NEB: variants seen among roughly 807,000 people sequenced by gnomAD.
NEB encodes nemaline myopathy type 2.
Under a neutral mutation model 952.2 loss-of-function variants are expected in NEB, and 512 were observed. The observed-to-expected ratio is 0.54, with a 90% CI of 0.50 to 0.58. NEB has a LOEUF of 0.58. Ranked by LOEUF, NEB falls within the 20% of genes least tolerant of loss-of-function variation. NEB has a pLI of 0.00. For missense variants in NEB, 8,428 were observed against 9,231.1 expected (o/e 0.91, Z 3.56); for synonymous variants, 2,900 against 3,149.8 (o/e 0.92, Z 2.66).
At position 151,658,084 on chromosome 2, in the gene NEB, A is replaced by G. The variant is rs561884655; in HGVS notation, c.6082T>C (p.Tyr2028His). 6.3e-7 allele frequency: 1 copy of G among 1,592,048 alleles called. No homozygotes were observed. The highest frequency in any genetic ancestry group is 1.3e-5 in the African/African-American group (1 of 74,592). ...TTAGACTCTTCCAAGGAAAGTTTGT[A>G]GAGTTTCTGTAAAGAGAGGCAAAGG... The part of the protein sequence containing the change: ...ANAINMSDKL[Y>H]KLSLEESKKK... Residue 2028 changes from tyrosine (Y) to histidine (H), a missense_variant, in exon 48 of 182, where the codon TAC becomes CAC. Tyr to His is a moderately conservative substitution (Grantham distance 83). This residue lies in a region of NEB where 2,851 missense variants were observed against 2,791.5 expected (regional missense o/e 1.02). Transcript: ENST00000397345.
chr2:151,629,762 G>T, intron 67 of NEB, 116 bp from the exon 68 acceptor site: 1 of 794,098 alleles, frequency 1.3e-6, no homozygotes, highest in Non-Finnish European at 2.0e-6. Flanking sequence ...GACAATTCAA[G>T]TTTCTGGCAA....
chr2:151,610,476 C>A (rs774006077), intron 80 of NEB, 40 bp downstream of exon 80: 2 of 1,493,188 alleles, frequency 1.3e-6, no homozygotes, highest in African/African-American at 2.8e-5. Context: ...GGTTGTTCAG[C>A]ACAGTGGAGA....
At chr2:151,549,027 T>C (rs1336765453) in intron 130 of NEB, among the ~76,000 whole-genome samples, 1 of 152,072 alleles carries the variant, frequency 6.6e-6, no homozygotes. Context: ...ATGGGGTAAA[T>C]GCATCAAGTC....
intron 174 of NEB, 67 bp from the exon 175 acceptor site, chr2:151,493,934 G>A: frequency 8.6e-7 from 1 of 1,160,830 alleles, no homozygotes; most frequent in Non-Finnish European, 1.2e-6. Context: ...TATATTGCAA[G>A]TTGGGGGGAA....
rs11436330 is a variant in NEB at position 151,546,557 on chromosome 2, C to CTTTT, written c.20368-118_20368-115dup. On this transcript the variant is annotated intron_variant, in intron 133 of 181. Coordinates refer to ENST00000397345, the MANE Select transcript of NEB (RefSeq NM_001164508.2). ...TGTGTCTTTCATTTTGGTTCATCTA[C>CTTTT]TTTTTTTTTTTTTTTTTTGAGACAG... 1.7e-3 allele frequency: 601 copies of CTTTT among 351,862 alleles called. 3 individuals carry two copies. The highest frequency in any genetic ancestry group is 7.7e-3 in the African/African-American group (309 of 40,090). 21.8% of individuals were successfully genotyped at this position (351,862 alleles called of 1,614,324 possible). A position where few individuals can be genotyped will look rare whatever the true frequency, so the allele number is the denominator to read the frequency against.
At chr2:151,573,921 A>T (rs973712041) in intron 107 of NEB, among the ~76,000 whole-genome samples, 14 of 151,978 alleles carry the variant, frequency 9.2e-5, no homozygotes, top group African/African-American at 3.1e-4. Context: ...GCAAATAATG[A>T]TAATTTGGCC....
intron 71 of NEB, among the ~76,000 whole-genome samples, chr2:151,622,536 G>T (rs1026245771): frequency 6.6e-6 from 1 of 151,984 alleles, no homozygotes; most frequent in East Asian, 1.9e-4. Context: ...TAACATTTTT[G>T]CCATATTTGC....
chr2:151,706,652 A>C (rs1169147812), intron 13 of NEB, among the ~76,000 whole-genome samples: 2 of 152,156 alleles, frequency 1.3e-5, no homozygotes, highest in Admixed American at 6.5e-5. Flanking sequence ...CTCCTAAGCA[A>C]GTGAGAATTT....
intron 168 of NEB, 151 bp from the exon 169 acceptor site, chr2:151,499,541 G>A (rs1461695925): frequency 1.9e-6 from 1 of 525,118 alleles, no homozygotes; most frequent in Non-Finnish European, 3.4e-6. Context: ...ACAGATCTGG[G>A]TGAGAACATG....
intron 26 of NEB, 39 bp from the exon 27 acceptor site, chr2:151,687,571 G>A (rs1359225535): frequency 1.2e-6 from 2 of 1,612,854 alleles, no homozygotes; most frequent in Admixed American, 1.7e-5. Flanking sequence ...CACTCACCAG[G>A]AAATGTCCCC....
chr2:151,549,704 C>G lies in NEB; in HGVS notation c.19981G>C (p.Gly6661Arg), dbSNP rs764103060. 11 of 1,598,468 alleles carry G rather than the reference C, an allele frequency of 6.9e-6. No homozygotes were observed. The East Asian group carries it at 2.5e-4, about 36-fold the overall frequency. ...YKTSLRTLPT[G>R]YRLPGDTPHF... ...GGAGTGTCACCTGGAAGTCTATATCCAGTGGGCAGGGTGCGCAGGCTGGTT... is the reference window on the plus strand; with the variant it reads ...GGAGTGTCACCTGGAAGTCTATATCGAGTGGGCAGGGTGCGCAGGCTGGTT... Residue 6661 changes from glycine to arginine, a missense_variant, in exon 130 of 182, where the codon GGA (glycine) becomes CGA (arginine). Around this residue, in one of 11 missense-constraint regions of NEB, gnomAD observed 3,374 missense variants for 3,651.5 expected, o/e 0.92. Transcript: ENST00000397345.
In NEB at chr2:151,629,727, A is replaced by T. The variant is rs529554791; in HGVS notation, c.9724-81T>A. On this transcript the variant is annotated intron_variant, in intron 67 of 181. Transcript: ENST00000397345. ...GATTATTAAGTGACTTATATCCTAA[A>T]ATTTAAAAAAGGATAGGAACTGGAG... 27 of 1,212,932 alleles carry T rather than the reference A, an allele frequency of 2.2e-5. 1 individual carries two copies. In the African/African-American group the frequency reaches 3.3e-4, roughly 15 times the overall value. 75.1% of individuals were successfully genotyped at this position (1,212,932 alleles called of 1,614,324 possible).
In NEB at chr2:151,717,599, A is replaced by G. The variant is rs1161085343; in HGVS notation, c.718-79T>C. 7 of 1,030,858 alleles carry G rather than the reference A, an allele frequency of 6.8e-6. No individual in the cohort carries two copies. The East Asian group carries it at 1.7e-4, about 26-fold the overall frequency. The allele number at this position is 1,030,858 out of a possible 1,614,324, so 63.9% of individuals were successfully genotyped here. On this transcript the variant is annotated intron_variant, in intron 9 of 181. Coordinates refer to ENST00000397345, the MANE Select transcript of NEB (RefSeq NM_001164508.2). The stretch of plus-strand genomic sequence containing the variant: ...TATTTGAAGTCTTAAATTTTAGTGT[A>G]ACATGTTATAATTTGTCCTAGATGT...
At chr2:151,709,492 C>T (rs1181821093) in intron 12 of NEB, among the ~76,000 whole-genome samples, 164 bp downstream of exon 12, 1 of 152,118 alleles carries the variant, frequency 6.6e-6, no homozygotes, top group Non-Finnish European at 1.5e-5. Context: ...CTTGTTGTTT[C>T]AATTCTACTC....
At position 151,489,879 on chromosome 2, in the gene NEB, T is replaced by TA. The variant is rs1013234237; in HGVS notation, c.25404+91dup. On this transcript the variant is annotated intron_variant, in intron 181 of 181. Coordinates refer to ENST00000397345, the MANE Select transcript of NEB (RefSeq NM_001164508.2). ...CATTATATAAAATAGAAGGTTTGGT[T>TA]AAAAAAAACCGTAATACCTAATACT... 3.9e-4 allele frequency: 372 copies of TA among 943,854 alleles called. 2 individuals carry two copies. The highest frequency in any genetic ancestry group is 5.5e-4 in the African/African-American group (33 of 60,524). 58.5% of individuals were successfully genotyped at this position (943,854 alleles called of 1,614,324 possible).
In NEB at chr2:151,525,995, G is replaced by C. The variant is rs1195608964; in HGVS notation, c.22124C>G (p.Thr7375Ser). The change falls in exon 150 of 182, where the codon ACT (threonine) becomes AGT (serine). Residue 7375 changes from threonine (T) to serine (S), a missense_variant. Coordinates refer to ENST00000397345, the MANE Select transcript of NEB (RefSeq NM_001164508.2). ...CTTGGTCACTTCCTTGACGTGAACAGTGTCCCGGGTCTCTGGTAGTGTTGT... is the reference window on the plus strand; with the variant it reads ...CTTGGTCACTTCCTTGACGTGAACACTGTCCCGGGTCTCTGGTAGTGTTGT... ...SYTTLPETRD[T>S]VHVKEVTKHV... 4 of 1,613,886 alleles carry C rather than the reference G, an allele frequency of 2.5e-6. No individual in the cohort carries two copies. The highest frequency in any genetic ancestry group is 3.4e-6 in the Non-Finnish European group (4 of 1,179,866).
At chr2:151,569,605 G>T (rs750862012) in intron 109 of NEB, among the ~76,000 whole-genome samples, 4 of 152,148 alleles carry the variant, frequency 2.6e-5, no homozygotes, top group African/African-American at 4.8e-5. Flanking sequence ...TCTGGTTATT[G>T]TTACTAAGGG....
At position 151,496,945 on chromosome 2, in the gene NEB, C is replaced by CTAA. The variant is rs767474018; in HGVS notation, c.24386_24388dup (p.Ile8129dup). 4 of 1,572,156 alleles carry CTAA rather than the reference C, an allele frequency of 2.5e-6. No homozygotes were observed. Among genetic ancestry groups the CTAA allele is most frequent in the Non-Finnish European group, 8.6e-7 (1 of 1,156,204 alleles). ...TTTCTTTTCTTGCCCAAGTACCGAG[C>CTAA]TAATATTTTCTTGATTGTGTTTGAC... On this transcript the variant is annotated inframe_insertion, in exon 172 of 182. Transcript: ENST00000397345.
At chr2:151,552,912 T>C in intron 127 of NEB, 136 bp from the exon 128 acceptor site, 1 of 621,450 alleles carries the variant, frequency 1.6e-6, no homozygotes, top group South Asian at 2.0e-5. Flanking sequence ...CGAGATGCAT[T>C]TGAATTTTAT....
Sources: gnomAD v4.1 joint callset for allele counts (sites outside exome capture counted in the v4.1 genomes callset) on GRCh38, gnomAD v4.1.1 for gene constraint, gnomAD v4.1.1 regional missense constraint, MANE v1.5 for transcripts, NCBI Gene and HGNC (gene_info 2026-07-23, HGNC 2026-07-21) for gene names.